The following ZNF557 variants were observed in gnomAD, a reference collection of about 807,000 sequenced individuals.
ZNF557 encodes the protein zinc finger protein 557, also known as CTB-25J19.9.
ZNF557 carries 19 observed loss-of-function variants against 21.2 expected under a neutral mutation model. The ratio of observed to expected loss-of-function variants is 0.90; its 90% CI spans 0.63 to 1.32. The LOEUF is 1.32. Ranked by LOEUF, ZNF557 falls within the 40% of genes most tolerant of loss-of-function variation. The pLI is 0.00. For missense variants in ZNF557, 487 were observed against 519.8 expected (o/e 0.94, Z 0.61); for synonymous variants, 207 against 194.8 (o/e 1.06, Z -0.52).
At chr19:7,079,683 T>A (rs1218264973) in intron 5 of ZNF557, among the ~76,000 whole-genome samples, 3 of 152,224 alleles carry the variant, frequency 2.0e-5, no homozygotes, top group Non-Finnish European at 4.4e-5. Context: ...TTAGTGACAT[T>A]TCTGAACTAA....
rs1350071380 is a variant in ZNF557 at position 7,083,663 on chromosome 19, T to C, written c.1212T>C (p.Tyr404=). 1 of 1,614,102 alleles carries C rather than the reference T, an allele frequency of 6.2e-7. No homozygotes were observed. Among genetic ancestry groups the C allele is most frequent in the South Asian group, 1.1e-5 (1 of 91,084 alleles). The part of the protein sequence containing the change: ...HMRTHTGKKP[Y]ECNYCGKSFT... ...GAACTCACACTGGAAAAAAACCCTA[T>C]GAATGTAATTATTGCGGGAAATCCT... The change falls in exon 8 of 8, where the codon TAT becomes TAC. Residue 404 remains tyrosine, a synonymous_variant. Coordinates refer to ENST00000252840, the MANE Select transcript of ZNF557 (RefSeq NM_024341.3).
intron 7 of ZNF557, 74 bp downstream of exon 7, chr19:7,082,126 G>T: frequency 2.4e-6 from 3 of 1,226,032 alleles, no homozygotes; most frequent in Non-Finnish European, 3.5e-6. Flanking sequence ...ACAAGGACTG[G>T]CCTTGTTGGC....
intron 3 of ZNF557, 149 bp from the exon 4 acceptor site, chr19:7,075,506 G>A (rs2145167428): frequency 5.4e-6 from 4 of 739,282 alleles, no homozygotes; most frequent in Non-Finnish European, 8.8e-6. Flanking sequence ...GCTGTGGGTT[G>A]GTGTTTGCTT....
intron 5 of ZNF557, among the ~76,000 whole-genome samples, chr19:7,076,870 C>T (rs1395714162): frequency 3.9e-5 from 6 of 151,940 alleles, no homozygotes; most frequent in African/African-American, 1.5e-4. Context: ...GTGGCGTGAT[C>T]CTGAGTAGCT....
chr19:7,072,461 G>A (rs1278341598), intron 2 of ZNF557, among the ~76,000 whole-genome samples: 3 of 152,156 alleles, frequency 2.0e-5, no homozygotes, highest in South Asian at 2.1e-4. Context: ...TTAGTCACTC[G>A]CCTGCCTGAA....
In ZNF557 at chr19:7,084,424, C is replaced by T. The variant is rs1314712182; in HGVS notation, c.*680C>T. 2.0e-5 allele frequency: 3 copies of T among 152,084 alleles called. No individual in the cohort carries two copies. The highest frequency in any genetic ancestry group is 7.3e-5 in the African/African-American group (3 of 41,356). 9.4% of individuals were successfully genotyped at this position (152,084 alleles called of 1,614,324 possible). ...GGAGCGCAGTGGTGTGATCACAGCT[C>T]ACTGCAGCCTCTACTTCCTGGGATC... On this transcript the variant is annotated 3_prime_UTR_variant, in exon 8 of 8. Transcript: ENST00000252840.
At chr19:7,082,584 C>G (rs1198473718) in intron 7 of ZNF557, among the ~76,000 whole-genome samples, 2 of 152,048 alleles carry the variant, frequency 1.3e-5, no homozygotes, top group African/African-American at 4.8e-5. Context: ...AGAATTCCCA[C>G]AAGTAAATAT....
rs1287716901 is a variant in ZNF557, at chr19:7,086,836, G to C, written c.*3092G>C. 1 of 151,034 alleles carries C rather than the reference G, an allele frequency of 6.6e-6. No homozygotes were observed. The highest frequency in any genetic ancestry group is 2.4e-5 in the African/African-American group (1 of 41,080). The allele number at this position is 151,034 out of a possible 1,614,324, so 9.4% of individuals were successfully genotyped here. ...AGGTCAGGAGTTCAAGACTAGCTTG[G>C]CCAACGTGGTGAAACCTCGTCTCTA... On this transcript the variant is annotated 3_prime_UTR_variant, in exon 8 of 8. Coordinates refer to ENST00000252840, the MANE Select transcript of ZNF557 (RefSeq NM_024341.3).
At chr19:7,073,742 C>T (rs1158640656) in intron 2 of ZNF557, among the ~76,000 whole-genome samples, 1 of 152,152 alleles carries the variant, frequency 6.6e-6, no homozygotes, top group South Asian at 2.1e-4. Context: ...CAATCCTTCT[C>T]TCCCCGGAGA....
Position 7,082,956 on chromosome 19 carries a change from C to T in ZNF557, c.505C>T (p.Arg169Trp), listed in dbSNP as rs370477542. 13 of 1,613,594 alleles carry T rather than the reference C, an allele frequency of 8.1e-6. No homozygotes were observed. Among genetic ancestry groups the T allele is most frequent in the East Asian group, 2.2e-5 (1 of 44,894 alleles). The change falls in exon 8 of 8, where the codon CGG becomes TGG. Residue 169 changes from arginine (R) to tryptophan (W), a missense_variant. Physicochemically the swap from Arg to Trp is moderately radical, Grantham distance 101. Transcript: ENST00000252840. ...CTTCAGCACAAAATCTTCCCTTACACGGCACAGGAAGATTCATACTGGAGA... is the reference window on the plus strand; with the variant it reads ...CTTCAGCACAAAATCTTCCCTTACATGGCACAGGAAGATTCATACTGGAGA... Reference protein sequence around the residue: ...KVFSTKSSLTRHRKIHTGERP... With the variant: ...KVFSTKSSLTWHRKIHTGERP...
chr19:7,070,367 G>C (rs1221123169), intron 1 of ZNF557, among the ~76,000 whole-genome samples, 195 bp from the exon 2 acceptor site: 3 of 152,310 alleles, frequency 2.0e-5, no homozygotes, highest in African/African-American at 7.2e-5. Context: ...GGACCAGATG[G>C]CTGGATAGGA....
Position 7,075,119 on chromosome 19 carries a change from T to A in ZNF557, c.31+14T>A. ...CCCCAACTGCCGGTGAGTCATGGGG[T>A]CCTGGCAGTTCTCAGAGTCCAGGCT... On this transcript the variant is annotated intron_variant, in intron 3 of 7. Transcript: ENST00000252840. 1.2e-6 allele frequency: 2 copies of A among 1,613,868 alleles called. No individual in the cohort carries two copies. The highest frequency in any genetic ancestry group is 1.3e-5 in the African/African-American group (1 of 74,942).
intron 4 of ZNF557, among the ~76,000 whole-genome samples, chr19:7,075,974 G>GC (rs1977580918): frequency 6.6e-6 from 1 of 152,266 alleles, no homozygotes; most frequent in East Asian, 1.9e-4. Context: ...TTAAGGGAAA[G>GC]CCAAGTAAAG....
rs1977572306 is a variant in ZNF557 at position 7,075,682 on chromosome 19, A to G, written c.59A>G (p.Gln20Arg). The change falls in exon 4 of 8, where the codon CAG (glutamine) becomes CGG (arginine). Residue 20 changes from glutamine to arginine, a missense_variant. By Grantham distance (43) the Gln-to-Arg change is conservative (BLOSUM62 1). Coordinates refer to ENST00000252840, the MANE Select transcript of ZNF557 (RefSeq NM_024341.3). ...AALSSLFPAS[Q>R]REGHTEGGEL... ...CTGTCTTCCCTGTTCCCAGCCTCTCAGCGAGAAGGACACACAGAGGGCGGA... is the reference window on the plus strand; with the variant it reads ...CTGTCTTCCCTGTTCCCAGCCTCTCGGCGAGAAGGACACACAGAGGGCGGA... 6.2e-7 allele frequency: 1 copy of G among 1,613,556 alleles called. No individual in the cohort carries two copies. The highest frequency in any genetic ancestry group is 8.5e-7 in the Non-Finnish European group (1 of 1,179,692).
At chr19:7,069,956 C>T (rs967480465) in intron 1 of ZNF557, among the ~76,000 whole-genome samples, 183 bp downstream of exon 1, 3 of 152,244 alleles carry the variant, frequency 2.0e-5, no homozygotes, top group African/African-American at 7.2e-5. Flanking sequence ...CGCCCTCACC[C>T]GGGGCGATTC....
At position 7,083,142 on chromosome 19, in the gene ZNF557, A is replaced by G; in HGVS notation, c.691A>G (p.Asn231Asp). ...CCTTACTGTTCATAAGAGAATCCAC[A>G]ATGGGGAGAAACCCTACGAATGCAG... is the stretch of plus-strand genomic sequence containing the variant. ...SYLTVHKRIH[N>D]GEKPYECSDC... The change falls in exon 8 of 8, where the codon AAT becomes GAT. Residue 231 changes from asparagine (N) to aspartate (D), a missense_variant. Transcript: ENST00000252840. 1.2e-6 allele frequency: 2 copies of G among 1,614,214 alleles called. No individual in the cohort carries two copies. The highest frequency in any genetic ancestry group is 1.7e-6 in the Non-Finnish European group (2 of 1,180,024).
chr19:7,083,346 A>G lies in ZNF557; in HGVS notation c.895A>G (p.Lys299Glu). 6.2e-7 allele frequency: 1 copy of G among 1,614,212 alleles called. No homozygotes were observed. Residue 299 changes from lysine to glutamate, a missense_variant, in exon 8 of 8, where the codon AAG becomes GAG. Coordinates refer to ENST00000252840, the MANE Select transcript of ZNF557 (RefSeq NM_024341.3). Reference protein sequence around the residue: ...EGHYVCNQCGKAFGTRSSLSS... With the variant: ...EGHYVCNQCGEAFGTRSSLSS... Reference sequence around the variant, plus strand: ...TCATTATGTATGTAATCAGTGTGGAAAGGCTTTCGGCACGAGGTCATCTCT... The same window carrying G: ...TCATTATGTATGTAATCAGTGTGGAGAGGCTTTCGGCACGAGGTCATCTCT...
In ZNF557 at chr19:7,086,352, GTTTCTT is replaced by G. The variant is rs1977844724; in HGVS notation, c.*2612_*2617del. On this transcript the variant is annotated 3_prime_UTR_variant, in exon 8 of 8. Coordinates refer to ENST00000252840, the MANE Select transcript of ZNF557 (RefSeq NM_024341.3). ...TTTGTGTCCTAATATAGCAAATACTGTTTCTTTTTTTTTTTTTTTTTTTTTTTGAGA... is the reference window on the plus strand; with the variant it reads ...TTTGTGTCCTAATATAGCAAATACTGTTTTTTTTTTTTTTTTTTTTTGAGA... 1 of 117,740 alleles carries G rather than the reference GTTTCTT, an allele frequency of 8.5e-6. No homozygotes were observed. Among genetic ancestry groups the G allele is most frequent in the Admixed American group, 1.0e-4 (1 of 9,744 alleles). 7.3% of individuals were successfully genotyped at this position (117,740 alleles called of 1,614,324 possible).
At position 7,085,927 on chromosome 19, in the gene ZNF557, T is replaced by C. The variant is rs1181065358; in HGVS notation, c.*2183T>C. 1 of 152,084 alleles carries C rather than the reference T, an allele frequency of 6.6e-6. No homozygotes were observed. The highest frequency in any genetic ancestry group is 2.4e-5 in the African/African-American group (1 of 41,406). The allele number at this position is 152,084 out of a possible 1,614,324, so 9.4% of individuals were successfully genotyped here. ...AACAGCTCCTGAGTGATCTAGTTTG[T>C]TATAATAGAAATTAGACATTTGCCA... On this transcript the variant is annotated 3_prime_UTR_variant, in exon 8 of 8. Transcript: ENST00000252840.
Sources: allele counts gnomAD v4.1 joint callset (sites outside exome capture counted in the v4.1 genomes callset), GRCh38; gene constraint gnomAD v4.1.1; transcripts MANE v1.5; gene names NCBI Gene and HGNC (gene_info 2026-07-23, HGNC 2026-07-21).